Variants in PLEKHG7 observed in about 807,000 individuals in gnomAD.
PLEKHG7 encodes pleckstrin homology and RhoGEF domain containing G7.
In PLEKHG7, 77 loss-of-function variants were observed where a neutral mutation model predicts 85.2. That is an observed-to-expected ratio of 0.90 (90% CI 0.75 to 1.09). The LOEUF is 1.09. Ranked by LOEUF, PLEKHG7 falls within the 50% of genes least tolerant of loss-of-function variation. The pLI, the probability that PLEKHG7 is intolerant of heterozygous loss-of-function variation, is 0.00. For synonymous variants in PLEKHG7, 301 were observed against 302.4 expected, an observed-to-expected ratio of 1.00 and a Z score of 0.05; for missense variants, 777 against 804.3, an observed-to-expected ratio of 0.97 and a Z score of 0.41.
chr12:92,722,980 C>T (rs1388044569), intron 3 of PLEKHG7, among the ~76,000 whole-genome samples: 3 of 151,948 alleles, frequency 2.0e-5, no homozygotes, highest in African/African-American at 7.2e-5. Flanking sequence ...GAGAATTGTC[C>T]CTCCCTGAGT....
In PLEKHG7 at chr12:92,707,150, C is replaced by A; in HGVS notation, c.507+12C>A. The A allele has an allele frequency of 6.2e-7, 1 of 1,602,742 alleles. No homozygotes were observed. Among genetic ancestry groups the A allele is most frequent in the Non-Finnish European group, 8.5e-7 (1 of 1,174,254 alleles). On this transcript the variant is annotated intron_variant, in intron 2 of 16. Transcript: ENST00000344636. The stretch of plus-strand genomic sequence containing the variant: ...ACCCTAGTCCTCAGGTAACACAGCT[C>A]TAAGCCTCCGGCCTCTCAGTTGCTG...
At chr12:92,749,903 T>C (rs1708803879) in intron 10 of PLEKHG7, among the ~76,000 whole-genome samples, 1 of 132,416 alleles carries the variant, frequency 7.6e-6, no homozygotes, top group South Asian at 2.2e-4. Context: ...TTTTATTTTA[T>C]TTCATTTATT....
At chr12:92,716,131 C>G (rs1871486177) in intron 3 of PLEKHG7, among the ~76,000 whole-genome samples, 1 of 151,920 alleles carries the variant, frequency 6.6e-6, no homozygotes, top group African/African-American at 2.4e-5. Context: ...GAGTCTTGCT[C>G]TGTCACTCAG....
intron 7 of PLEKHG7, among the ~76,000 whole-genome samples, chr12:92,738,024 G>A (rs1032179535): frequency 5.3e-5 from 8 of 152,130 alleles, no homozygotes; most frequent in African/African-American, 1.9e-4. Context: ...GCAGTCCATT[G>A]CATCTTTGCT....
Position 92,741,593 on chromosome 12 carries a change from G to A in PLEKHG7, c.1137+1G>A. On this transcript the variant is annotated splice_donor_variant, in intron 9 of 16. Coordinates refer to ENST00000344636, the MANE Select transcript of PLEKHG7 (RefSeq NM_001377329.1). LOFTEE classifies it high-confidence loss of function. ...GGATTTTATTTCCGTGCTCACAAAG[G>A]TAAACTCCTTCTGGGAGACCTCAGC... 1 of 1,609,142 alleles carries A rather than the reference G, an allele frequency of 6.2e-7. No individual in the cohort carries two copies. The highest frequency in any genetic ancestry group is 2.2e-5 in the East Asian group (1 of 44,696).
chr12:92,755,729 C>T, intron 11 of PLEKHG7, 96 bp from the exon 12 acceptor site: 1 of 807,592 alleles, frequency 1.2e-6, no homozygotes. Context: ...CCAGGGGCAG[C>T]CAGTGTTTCT....
At chr12:92,751,186 G>C (rs80096003) in intron 10 of PLEKHG7, among the ~76,000 whole-genome samples, 2,559 of 152,292 alleles carry the variant, frequency 0.017, 72 homozygotes, top group African/African-American at 0.057. Context: ...AGACAGGTCT[G>C]AATTCAAATC....
chr12:92,730,157 T>C (rs766553719), intron 4 of PLEKHG7, among the ~76,000 whole-genome samples: 1 of 152,198 alleles, frequency 6.6e-6, no homozygotes, highest in Non-Finnish European at 1.5e-5. Flanking sequence ...AACATGTTTA[T>C]AGCTCTTTAT....
intron 3 of PLEKHG7, among the ~76,000 whole-genome samples, chr12:92,721,908 T>C (rs1047539172): frequency 3.3e-5 from 5 of 151,932 alleles, no homozygotes; most frequent in Admixed American, 6.6e-5. Flanking sequence ...TCTAAAAATA[T>C]TCTTCCCTGT....
At chr12:92,727,927 G>GCTGTGT (rs1871863304) in intron 3 of PLEKHG7, among the ~76,000 whole-genome samples, 1 of 84,980 alleles carries the variant, frequency 1.2e-5, no homozygotes, top group Non-Finnish European at 2.3e-5. Flanking sequence ...GGTATTCTAT[G>GCTGTGT]GTGTGTGTGT....
At chr12:92,763,026 CA>C (rs534857900) in intron 14 of PLEKHG7, among the ~76,000 whole-genome samples, 2 of 151,750 alleles carry the variant, frequency 1.3e-5, no homozygotes, top group South Asian at 2.1e-4. Flanking sequence ...CTACCCCCTT[CA>C]AAAAAAACCT....
intron 13 of PLEKHG7, among the ~76,000 whole-genome samples, chr12:92,756,770 C>G (rs1356640146): frequency 6.6e-6 from 1 of 152,154 alleles, no homozygotes; most frequent in Non-Finnish European, 1.5e-5. Context: ...TATGGAGACT[C>G]TATTATATTA....
chr12:92,710,412 G>T (rs546731237), intron 3 of PLEKHG7, among the ~76,000 whole-genome samples: 1 of 152,304 alleles, frequency 6.6e-6, no homozygotes, highest in African/African-American at 2.4e-5. Flanking sequence ...GCACTGCTTT[G>T]TCCATAAAGT....
chr12:92,714,804 C>G (rs895230074), intron 3 of PLEKHG7, among the ~76,000 whole-genome samples: 20 of 152,304 alleles, frequency 1.3e-4, no homozygotes, highest in African/African-American at 4.8e-4. Context: ...TGTTGCATAA[C>G]TCTCCAAACG....
chr12:92,707,325 G>A, intron 2 of PLEKHG7, 187 bp downstream of exon 2: 1 of 1,429,708 alleles, frequency 7.0e-7, no homozygotes, highest in African/African-American at 1.4e-5. Flanking sequence ...AGCAATCTGG[G>A]GAGGAAAGAA....
chr12:92,755,489 T>A (rs1872800080), intron 11 of PLEKHG7, among the ~76,000 whole-genome samples: 1 of 152,132 alleles, frequency 6.6e-6, no homozygotes, highest in Non-Finnish European at 1.5e-5. Flanking sequence ...TAGTCTGATT[T>A]TTTTTTTCCT....
At chr12:92,753,295 A>G (rs915979369) in intron 10 of PLEKHG7, among the ~76,000 whole-genome samples, 1 of 152,134 alleles carries the variant, frequency 6.6e-6, no homozygotes. Flanking sequence ...TGCCACCTTC[A>G]TTAAAGCCAG....
chr12:92,734,593 G>T (rs931547133), intron 5 of PLEKHG7, among the ~76,000 whole-genome samples: 4 of 152,156 alleles, frequency 2.6e-5, no homozygotes, highest in Non-Finnish European at 5.9e-5. Flanking sequence ...AGGCAGTCTG[G>T]CTTTGAGTCT....
chr12:92,741,623 T>C lies in PLEKHG7; in HGVS notation c.1137+31T>C, dbSNP rs772589852. 5.2e-6 allele frequency: 8 copies of C among 1,547,660 alleles called. No individual in the cohort carries two copies. The East Asian group carries it at 1.4e-4, about 26-fold the overall frequency. ...CTCCTTCTGGGAGACCTCAGCTTCA[T>C]GTAGTAAAATCACCCACCTCCCAGG... On this transcript the variant is annotated intron_variant, in intron 9 of 16. Coordinates refer to ENST00000344636, the MANE Select transcript of PLEKHG7 (RefSeq NM_001377329.1).
Sources: gnomAD v4.1 joint callset for allele counts (sites outside exome capture counted in the v4.1 genomes callset) on GRCh38, gnomAD v4.1.1 for gene constraint, MANE v1.5 for transcripts, NCBI Gene and HGNC (gene_info 2026-07-23, HGNC 2026-07-21) for gene names.